TMEM181: variants seen among roughly 807,000 people sequenced by gnomAD.
TMEM181 encodes G protein-coupled receptor 178.
TMEM181 carries 39 observed loss-of-function variants against 71.9 expected under a neutral mutation model. That is an observed-to-expected ratio of 0.54 (90% CI 0.42 to 0.71). The LOEUF is 0.71. Ranked by LOEUF, TMEM181 falls within the 30% of genes least tolerant of loss-of-function variation. The probability of loss-of-function intolerance (pLI) is 0.00; values close to 1 mark genes in which losing one functional copy is unlikely to be tolerated. For synonymous variants in TMEM181, 245 were observed against 228.8 expected (o/e 1.07, Z -0.64); for missense variants, 595 against 583.0 (o/e 1.02, Z -0.21).
Position 158,602,990 on chromosome 6 carries a change from A to G in TMEM181, c.493-2277A>G, listed in dbSNP as rs144678611. On this transcript the variant is annotated intron_variant, in intron 6 of 16. Transcript: ENST00000684151. ...GTCCTTATCTTCGTCTAATGTAATA[A>G]TGTTCTTCCCTCTCCCCACCCCCTT... 5.4e-3 allele frequency among the ~76,000 whole-genome samples: 815 copies of G among 152,218 alleles called. 5 individuals are homozygous for G. The highest frequency in any genetic ancestry group is 0.018 in the African/African-American group (744 of 41,504).
chr6:158,596,517 T>A (rs1784398369), intron 6 of TMEM181, among the ~76,000 whole-genome samples: 1 of 152,174 alleles, frequency 6.6e-6, no homozygotes, highest in Non-Finnish European at 1.5e-5. Flanking sequence ...AGCACCAGAA[T>A]CACACAGACA....
At chr6:158,583,182 G>A (rs188796249) in intron 3 of TMEM181, among the ~76,000 whole-genome samples, 9 of 152,064 alleles carry the variant, frequency 5.9e-5, no homozygotes, top group Admixed American at 2.6e-4. Flanking sequence ...GCAGTGAGCC[G>A]AGATCACGCC....
intron 13 of TMEM181, among the ~76,000 whole-genome samples, chr6:158,626,889 CCCA>C (rs748034991): frequency 1.0e-4 from 15 of 150,166 alleles, no homozygotes; most frequent in South Asian, 2.1e-4. Flanking sequence ...CTCTCACACC[CCCA>C]CACCTTCACT....
chr6:158,634,384 A>C lies in TMEM181; in HGVS notation c.*2496A>C, dbSNP rs929176359. 8 of 152,238 alleles carry C rather than the reference A, an allele frequency of 5.3e-5. No homozygotes were observed. The highest frequency in any genetic ancestry group is 1.2e-4 in the Non-Finnish European group (8 of 68,044). 9.4% of individuals were successfully genotyped at this position (152,238 alleles called of 1,614,324 possible). ...TAGCAAGAAAATTGTTGAAGAAAAA[A>C]TAAATTATTTACTGAGGGTAGTTAT... On this transcript the variant is annotated 3_prime_UTR_variant, in exon 17 of 17. Coordinates refer to ENST00000684151, the MANE Select transcript of TMEM181 (RefSeq NM_001376852.1).
chr6:158,620,636 G>T lies in TMEM181; in HGVS notation c.897-2914G>T, dbSNP rs1201036056. 1.3e-5 allele frequency among the ~76,000 whole-genome samples: 2 copies of T among 152,086 alleles called. No homozygotes were observed. Among genetic ancestry groups the T allele is most frequent in the Admixed American group, 1.3e-4 (2 of 15,266 alleles). On this transcript the variant is annotated intron_variant, in intron 10 of 16. Transcript: ENST00000684151. This position sits in a 1 kb window ranked among gnomAD's most constrained non-coding sequence, Gnocchi z 4.5. Reference sequence around the variant, plus strand: ...CCACTGGGGAGTAGCCCCCGCCCGAGCCTCGCAGTCCCCTTCAGATTAGTT... The same window carrying T: ...CCACTGGGGAGTAGCCCCCGCCCGATCCTCGCAGTCCCCTTCAGATTAGTT...
chr6:158,584,471 C>T (rs899247794), intron 4 of TMEM181, among the ~76,000 whole-genome samples: 1 of 152,198 alleles, frequency 6.6e-6, no homozygotes. Flanking sequence ...GTGCCGACAC[C>T]TCCCCCACTT....
At chr6:158,596,463 C>T (rs1444927896) in intron 6 of TMEM181, among the ~76,000 whole-genome samples, 1 of 152,128 alleles carries the variant, frequency 6.6e-6, no homozygotes, top group Non-Finnish European at 1.5e-5. Flanking sequence ...GGAGTCTGGG[C>T]TCCATTTCAC....
chr6:158,572,435 G>A, intron 1 of TMEM181: 1 of 456,774 alleles, frequency 2.2e-6, no homozygotes, highest in South Asian at 1.5e-5. Flanking sequence ...ACACAGAAGA[G>A]AGAGCAAAAC....
intron 1 of TMEM181, among the ~76,000 whole-genome samples, chr6:158,564,396 C>T (rs556408003): frequency 2.0e-5 from 3 of 152,252 alleles, no homozygotes; most frequent in African/African-American, 4.8e-5. Context: ...TGAAATGGGC[C>T]GATGTGCCTG....
chr6:158,562,615 T>C (rs1164805509), intron 1 of TMEM181, among the ~76,000 whole-genome samples: 1 of 152,168 alleles, frequency 6.6e-6, no homozygotes, highest in Admixed American at 6.6e-5. Context: ...TTAAGTATCC[T>C]GGAGCCCTGC....
chr6:158,545,982 C>T (rs903347613), intron 1 of TMEM181, among the ~76,000 whole-genome samples: 2 of 152,180 alleles, frequency 1.3e-5, no homozygotes, highest in African/African-American at 2.4e-5. Context: ...GACTTAAAGA[C>T]GGAGTTTTGC....
intron 6 of TMEM181, among the ~76,000 whole-genome samples, chr6:158,592,567 G>C (rs1301724791): frequency 1.3e-5 from 2 of 151,972 alleles, no homozygotes; most frequent in Admixed American, 6.6e-5. Context: ...CTGCCTCCCG[G>C]GTTCAGGCAA....
intron 2 of TMEM181, among the ~76,000 whole-genome samples, chr6:158,578,336 T>C (rs1200376999): frequency 1.3e-5 from 2 of 152,224 alleles, no homozygotes; most frequent in African/African-American, 4.8e-5. Context: ...AAGCTCATAT[T>C]ATTGTAACAA....
intron 10 of TMEM181, chr6:158,611,484 T>C: frequency 1.9e-6 from 1 of 528,378 alleles, no homozygotes. Context: ...CGTATCATTC[T>C]GACTCTCAGC....
chr6:158,565,630 CAG>C (rs1254358994), intron 1 of TMEM181, among the ~76,000 whole-genome samples: 1 of 152,148 alleles, frequency 6.6e-6, no homozygotes, highest in Non-Finnish European at 1.5e-5. Flanking sequence ...CAGAAAAAAA[CAG>C]GGAAGAGTGA....
chr6:158,593,502 G>A (rs1450697054), intron 6 of TMEM181, among the ~76,000 whole-genome samples: 1 of 152,208 alleles, frequency 6.6e-6, no homozygotes, highest in Non-Finnish European at 1.5e-5. Flanking sequence ...GAAGTCCTGG[G>A]CATATGCCAG....
At chr6:158,618,438 CTT>C (rs1413589126) in intron 10 of TMEM181, among the ~76,000 whole-genome samples, 4 of 152,172 alleles carry the variant, frequency 2.6e-5, no homozygotes, top group African/African-American at 4.8e-5. Context: ...GGTCTTGACT[CTT>C]TATCCAATTT....
rs777618491 is a variant in TMEM181, at chr6:158,554,317, C to G, written c.131+17452C>G. ...GTCAGGCTGATCTCGAACTCTTGAC[C>G]TCAGGCAGTCCGCTCACCTTGGCCT... On this transcript the variant is annotated intron_variant, in intron 1 of 16. Transcript: ENST00000367090. 1.3e-3 allele frequency among the ~76,000 whole-genome samples: 194 copies of G among 152,202 alleles called. 1 individual carries two copies. Among genetic ancestry groups the G allele is most frequent in the Admixed American group, 1.7e-3 (26 of 15,284 alleles).
intron 1 of TMEM181, among the ~76,000 whole-genome samples, chr6:158,548,570 C>T (rs1398898978): frequency 6.6e-6 from 1 of 152,190 alleles, no homozygotes; most frequent in Non-Finnish European, 1.5e-5. Flanking sequence ...CAGCTGCCAC[C>T]TCCAGTCCTG....
Sources: allele counts gnomAD v4.1 joint callset (sites outside exome capture counted in the v4.1 genomes callset), GRCh38; gene constraint gnomAD v4.1.1; non-coding constraint Gnocchi (gnomAD v3.1); transcripts MANE v1.5; gene names NCBI Gene and HGNC (gene_info 2026-07-23, HGNC 2026-07-21).